The following CTIF variants were observed in gnomAD, a reference collection of about 807,000 sequenced individuals.
CTIF encodes cap binding complex dependent translation initiation factor.
Under a neutral mutation model 66.0 loss-of-function variants are expected in CTIF, and 21 were observed. The observed-to-expected ratio is 0.32, with a 90% CI of 0.23 to 0.46. The LOEUF (loss-of-function observed/expected upper bound fraction) is 0.46, where lower values mean the gene tolerates loss of function less well. CTIF is among the 20% of genes least tolerant of loss of function. The pLI is 1.00. For synonymous variants in CTIF, 345 were observed against 326.4 expected, an observed-to-expected ratio of 1.06 and a Z score of -0.62; for missense variants, 739 against 812.7, an observed-to-expected ratio of 0.91 and a Z score of 1.10.
chr18:48,687,305 G>GAC (rs3082465), intron 6 of CTIF, among the ~76,000 whole-genome samples: 24,420 of 128,422 alleles, frequency 0.19, 2,260 homozygotes, highest in Admixed American at 0.25. Flanking sequence ...TCTAGGAGGG[G>GAC]ACACACACAC....
chr18:48,832,726 A>G (rs1234129851), intron 10 of CTIF, among the ~76,000 whole-genome samples: 1 of 152,230 alleles, frequency 6.6e-6, no homozygotes, highest in East Asian at 1.9e-4. Flanking sequence ...ACATGAAAGT[A>G]TTTGCTGAAT....
At chr18:48,714,797 G>A (rs2092263895) in intron 7 of CTIF, among the ~76,000 whole-genome samples, 1 of 152,172 alleles carries the variant, frequency 6.6e-6, no homozygotes, top group Non-Finnish European at 1.5e-5. Context: ...CTCACCCTAT[G>A]ATCTTGCCAA....
At chr18:48,572,074 T>TTCCTCCTCC (rs148681063) in intron 1 of CTIF, among the ~76,000 whole-genome samples, 3 of 151,374 alleles carry the variant, frequency 2.0e-5, no homozygotes, top group South Asian at 2.1e-4. Flanking sequence ...CCCCTCACCG[T>TTCCTCCTCC]TCCTCCTCCT....
intron 6 of CTIF, among the ~76,000 whole-genome samples, chr18:48,701,530 T>TCCCCCAGCCACACTGGGGAC (rs142329172): frequency 6.6e-6 from 1 of 151,488 alleles, no homozygotes; most frequent in African/African-American, 2.4e-5. Context: ...AGTGCCTCCG[T>TCCCCCAGCCACACTGGGGAC]CCCCCAGCCC....
intron 1 of CTIF, among the ~76,000 whole-genome samples, chr18:48,542,885 C>T (rs879837053): frequency 1.3e-5 from 2 of 152,196 alleles, no homozygotes; most frequent in African/African-American, 4.8e-5. Flanking sequence ...ATGGAAATTA[C>T]CCTGAAGCCA....
intron 9 of CTIF, among the ~76,000 whole-genome samples, chr18:48,763,175 G>T (rs183644485): frequency 6.6e-6 from 1 of 152,320 alleles, no homozygotes; most frequent in Admixed American, 6.5e-5. Flanking sequence ...TATGGTCTCG[G>T]CTTTGGGTTT....
chr18:48,756,282 G>A (rs554310791), intron 7 of CTIF: 1 of 152,090 alleles, frequency 6.6e-6, no homozygotes, highest in East Asian at 1.9e-4. Context: ...TCCCCATTGG[G>A]GATAATGAGC....
chr18:48,564,050 C>T (rs960863403), intron 1 of CTIF, among the ~76,000 whole-genome samples: 1 of 152,212 alleles, frequency 6.6e-6, no homozygotes, highest in Admixed American at 6.5e-5. Flanking sequence ...TGCTTTCAGA[C>T]CACACTTGGC....
chr18:48,603,725 T>A (rs1468865909), intron 1 of CTIF, among the ~76,000 whole-genome samples: 1 of 152,074 alleles, frequency 6.6e-6, no homozygotes, highest in Non-Finnish European at 1.5e-5. Flanking sequence ...GATGGGTGGC[T>A]GGCTTGCTGG....
intron 9 of CTIF, among the ~76,000 whole-genome samples, chr18:48,815,094 G>T (rs1450840778): frequency 6.6e-6 from 1 of 152,188 alleles, no homozygotes; most frequent in East Asian, 1.9e-4. Context: ...CATAAGAGCT[G>T]CTCTTGCCAC....
chr18:48,799,936 G>A (rs908194954), intron 9 of CTIF, among the ~76,000 whole-genome samples: 1 of 152,236 alleles, frequency 6.6e-6, no homozygotes, highest in African/African-American at 2.4e-5. Context: ...AGTTATGATG[G>A]GGCCACACAG....
rs1473196937 is a variant in CTIF at position 48,808,039 on chromosome 18, C to G, written c.1372-9182C>G. Among the ~76,000 whole-genome samples the G allele has an allele frequency of 6.6e-5, 10 of 152,058 alleles. 1 individual carries two copies. In the South Asian group the frequency reaches 1.5e-3, roughly 22 times the overall value. ...TGATAATTACCAGAAGTGCAACTAC[C>G]AGAGCAAACAATAAGAACTCTTAAG... On this transcript the variant is annotated intron_variant, in intron 9 of 11. Transcript: ENST00000256413.
At chr18:48,582,198 C>A (rs1192088122) in intron 1 of CTIF, among the ~76,000 whole-genome samples, 2 of 151,980 alleles carry the variant, frequency 1.3e-5, no homozygotes, top group Non-Finnish European at 2.9e-5. Context: ...AGACAGCTGC[C>A]AGTGTCAGAG....
intron 6 of CTIF, among the ~76,000 whole-genome samples, chr18:48,680,537 C>A (rs1235007193): frequency 6.6e-6 from 1 of 152,246 alleles, no homozygotes; most frequent in Non-Finnish European, 1.5e-5. Flanking sequence ...CCTGAGTGGC[C>A]CTGTCGACGG....
At chr18:48,754,257 G>GCGAATGGGAGA (rs1238778646) in intron 7 of CTIF, among the ~76,000 whole-genome samples, 2 of 152,228 alleles carry the variant, frequency 1.3e-5, no homozygotes, top group Non-Finnish European at 2.9e-5. Flanking sequence ...GTGTCTAAAG[G>GCGAATGGGAGA]CGAATGGGAG....
At chr18:48,837,836 C>A (rs996338595) in intron 10 of CTIF, among the ~76,000 whole-genome samples, 4 of 152,240 alleles carry the variant, frequency 2.6e-5, no homozygotes, top group Middle Eastern at 3.4e-3. Context: ...GCCCTGAGCC[C>A]CTGCCCCCCA....
At chr18:48,560,356 G>T (rs2089127712) in intron 1 of CTIF, among the ~76,000 whole-genome samples, 1 of 151,574 alleles carries the variant, frequency 6.6e-6, no homozygotes, top group Admixed American at 6.6e-5. Flanking sequence ...CTCTGGAGTA[G>T]CTGGGACTAC....
chr18:48,679,684 A>G (rs917354485), intron 6 of CTIF, among the ~76,000 whole-genome samples: 10 of 151,910 alleles, frequency 6.6e-5, no homozygotes, highest in Admixed American at 2.6e-4. Context: ...CCCTGTTCCA[A>G]TTTCACCTCC....
intron 1 of CTIF, among the ~76,000 whole-genome samples, chr18:48,572,053 C>T (rs1439877993): frequency 6.6e-6 from 1 of 151,890 alleles, no homozygotes; most frequent in Admixed American, 6.6e-5. Flanking sequence ...TTCTCTTTCT[C>T]CTTCTCCTTC....
Sources: gnomAD v4.1 joint callset for allele counts (sites outside exome capture counted in the v4.1 genomes callset) on GRCh38, gnomAD v4.1.1 for gene constraint, MANE v1.5 for transcripts, NCBI Gene and HGNC (gene_info 2026-07-23, HGNC 2026-07-21) for gene names.